The following NBN variants were observed in gnomAD, a reference collection of about 807,000 sequenced individuals.
The protein encoded by NBN is Nijmegen breakage syndrome 1 (nibrin).
Under a neutral mutation model 90.8 loss-of-function variants are expected in NBN, and 88 were observed. That is an observed-to-expected ratio of 0.97 (90% confidence interval 0.82 to 1.16). The LOEUF is 1.16. Ranked by LOEUF, NBN falls within the 50% of genes most tolerant of loss-of-function variation. The pLI, the probability that NBN is intolerant of heterozygous loss-of-function variation, is 0.00. For missense variants in NBN, 894 were observed against 869.6 expected (o/e 1.03, Z -0.35); for synonymous variants, 328 against 295.1 (o/e 1.11, Z -1.14).
intron 7 of NBN, among the ~76,000 whole-genome samples, chr8:89,965,280 CTTT>C (rs1396634786): frequency 1.3e-5 from 2 of 152,068 alleles, no homozygotes; most frequent in Non-Finnish European, 2.9e-5. Context: ...TGTGTTACAA[CTTT>C]TAGTAAATCA....
chr8:89,981,239 G>T, intron 3 of NBN, 136 bp downstream of exon 3: 2 of 929,234 alleles, frequency 2.2e-6, no homozygotes. Context: ...CACCACCCAT[G>T]GCACAGAGTC....
chr8:89,952,482 T>A (rs1810487673), intron 11 of NBN, among the ~76,000 whole-genome samples: 1 of 152,172 alleles, frequency 6.6e-6, no homozygotes. Flanking sequence ...GTTTTTTGAA[T>A]AGTAGTTGTA....
rs1350231265 is a variant in NBN, at chr8:89,982,852, TCTC to T, written c.38_40del (p.Gly13del). On this transcript the variant is annotated inframe_deletion and splice_region_variant, in exon 2 of 16. Transcript: ENST00000265433. ...AACGCCAGTCAAAAGTCTGTATGGT[TCTC>T]CTGAGATAAATTTTTTTTTAAAAAA... 4 of 1,613,224 alleles carry T rather than the reference TCTC, an allele frequency of 2.5e-6. No individual in the cohort carries two copies. In the African/African-American group the frequency reaches 4.0e-5, roughly 16 times the overall value.
chr8:89,939,426 C>T (rs1269074923), intron 14 of NBN, among the ~76,000 whole-genome samples: 1 of 143,676 alleles, frequency 7.0e-6, no homozygotes, highest in African/African-American at 2.7e-5. Flanking sequence ...CATCTAATTC[C>T]TAATGAAATA....
At chr8:89,964,136 C>A (rs1435669136) in intron 8 of NBN, among the ~76,000 whole-genome samples, 1 of 151,864 alleles carries the variant, frequency 6.6e-6, no homozygotes, top group East Asian at 1.9e-4. Context: ...TCTGAACTTA[C>A]CATGTGTGTG....
At chr8:89,955,194 G>A (rs889730313) in intron 10 of NBN, 89 bp downstream of exon 10, 6 of 1,318,992 alleles carry the variant, frequency 4.5e-6, no homozygotes, top group African/African-American at 1.5e-5. Flanking sequence ...TACTTAATCA[G>A]AACAGACTAA....
Position 89,935,574 on chromosome 8 carries a change from A to G in NBN, c.*8T>C. ...AGTTTTTCCATGGCTTCTTTTTAAA[A>G]TCCTCAGTTATCTTCTCCTTTTTAA... is the stretch of plus-strand genomic sequence containing the variant. On this transcript the variant is annotated 3_prime_UTR_variant, in exon 16 of 16. Transcript: ENST00000265433. The G allele has an allele frequency of 6.2e-7, 1 of 1,610,518 alleles. No individual in the cohort carries two copies. Among genetic ancestry groups the G allele is most frequent in the Non-Finnish European group, 8.5e-7 (1 of 1,177,504 alleles).
chr8:89,936,955 A>G, intron 15 of NBN, 71 bp downstream of exon 15: 1 of 1,252,890 alleles, frequency 8.0e-7, no homozygotes, highest in East Asian at 2.3e-5. Flanking sequence ...CAAATTCTTA[A>G]TTTCTATGAA....
At chr8:89,982,415 C>G in intron 2 of NBN, 1 of 395,574 alleles carries the variant, frequency 2.5e-6, no homozygotes, top group African/African-American at 2.0e-5. Context: ...ATTACTTTTG[C>G]ACCAAACTAA....
At chr8:89,945,721 G>A (rs1810155331) in intron 13 of NBN, among the ~76,000 whole-genome samples, 1 of 152,058 alleles carries the variant, frequency 6.6e-6, no homozygotes, top group South Asian at 2.1e-4. Context: ...TTTATATTGT[G>A]TTTTATATGT....
intron 14 of NBN, among the ~76,000 whole-genome samples, chr8:89,940,707 A>G (rs962272441): frequency 5.3e-5 from 8 of 152,216 alleles, no homozygotes; most frequent in Admixed American, 5.2e-4. Flanking sequence ...TAATCCACGA[A>G]TAAAAAGTAA....
At chr8:89,984,477 C>A in intron 1 of NBN, 48 bp downstream of exon 1, 3 of 1,556,236 alleles carry the variant, frequency 1.9e-6, no homozygotes, top group Non-Finnish European at 2.7e-6. Context: ...TCCCCCGAGG[C>A]AGTCGCTACC....
intron 5 of NBN, among the ~76,000 whole-genome samples, chr8:89,973,889 T>A (rs1005987274): frequency 7.3e-6 from 1 of 136,990 alleles, no homozygotes; most frequent in African/African-American, 2.6e-5. Context: ...TTGGGTTCGT[T>A]TATACAGAAA....
chr8:89,959,597 A>T (rs1311345144), intron 8 of NBN, among the ~76,000 whole-genome samples: 1 of 151,570 alleles, frequency 6.6e-6, no homozygotes, highest in Non-Finnish European at 1.5e-5. Flanking sequence ...TACAAAAATT[A>T]AAAAAAACTT....
chr8:89,938,000 G>A (rs1809770281), intron 14 of NBN, among the ~76,000 whole-genome samples: 1 of 151,982 alleles, frequency 6.6e-6, no homozygotes, highest in African/African-American at 2.4e-5. Context: ...CTTATTTAGT[G>A]CCTACTATGT....
rs768378152 is a variant in NBN, at chr8:89,981,512, ATC to A, written c.181_182del (p.Asp61Ter). On this transcript the variant is annotated frameshift_variant, in exon 3 of 16. Transcript: ENST00000265433. LOFTEE classifies it high-confidence loss of function. ...NFSVTNLSQT[D>X]EIPVLTLKDN... ...CTTTTAATGTCAATACAGGGATTTC[ATC>A]TGTTTGACTCTGAAAAGTTAGCAAA... 6.2e-7 allele frequency: 1 copy of A among 1,612,970 alleles called. No homozygotes were observed. Among genetic ancestry groups the A allele is most frequent in the Non-Finnish European group, 8.5e-7 (1 of 1,179,104 alleles).
At position 89,982,778 on chromosome 8, in the gene NBN, G is replaced by C. The variant is rs377730553; in HGVS notation, c.115C>G (p.Gln39Glu). The change falls in exon 2 of 16, where the codon CAG (glutamine) becomes GAG (glutamate). Residue 39 changes from glutamine to glutamate, a missense_variant. Physicochemically the swap from Gln to Glu is conservative, Grantham distance 29. Coordinates refer to ENST00000265433, the MANE Select transcript of NBN (RefSeq NM_002485.5). ...ACAGCATGATTTCGGCTGATCGACT[G>C]ATCATTTTCAATCAGAATGGCACAG... Reference protein sequence around the residue: ...KNCAILIENDQSISRNHAVLT... With the variant: ...KNCAILIENDESISRNHAVLT... 1.9e-6 allele frequency: 3 copies of C among 1,613,736 alleles called. No homozygotes were observed. The highest frequency in any genetic ancestry group is 2.7e-5 in the African/African-American group (2 of 74,880).
chr8:89,940,105 A>G (rs1394747786), intron 14 of NBN, among the ~76,000 whole-genome samples: 1 of 151,776 alleles, frequency 6.6e-6, no homozygotes, highest in Non-Finnish European at 1.5e-5. Flanking sequence ...ATTATTTTTG[A>G]GATGTGGCCT....
intron 6 of NBN, 122 bp downstream of exon 6, chr8:89,971,051 C>G (rs2129836146): frequency 9.3e-7 from 1 of 1,080,918 alleles, no homozygotes; most frequent in Non-Finnish European, 1.3e-6. Context: ...TTTTTTTATT[C>G]TACTTCACAC....
Sources: allele counts gnomAD v4.1 joint callset (sites outside exome capture counted in the v4.1 genomes callset), GRCh38; gene constraint gnomAD v4.1.1; transcripts MANE v1.5; gene names NCBI Gene and HGNC (gene_info 2026-07-23, HGNC 2026-07-21).